The following PSEN2 variants were observed in gnomAD, a reference collection of about 807,000 sequenced individuals.
PSEN2 encodes presenilin 2, also known as presenilin-2.
PSEN2 carries 32 observed loss-of-function variants against 49.1 expected under a neutral mutation model. The ratio of observed to expected loss-of-function variants is 0.65; its 90% CI spans 0.49 to 0.88. The LOEUF is 0.88. PSEN2 is among the 40% of genes least tolerant of loss of function. PSEN2 has a pLI of 0.00. For synonymous variants in PSEN2, 255 were observed against 244.0 expected (o/e 1.05, Z -0.42); for missense variants, 522 against 586.9 (o/e 0.89, Z 1.14).
At chr1:226,888,778 C>T in intron 7 of PSEN2, 51 bp from the exon 8 acceptor site, 2 of 1,505,006 alleles carry the variant, frequency 1.3e-6, no homozygotes, top group African/African-American at 1.4e-5. Context: ...AACTGCTAGG[C>T]TGTAATGCCT....
intron 8 of PSEN2, 82 bp downstream of exon 8, chr1:226,889,131 G>A (rs1282007132): frequency 5.4e-6 from 7 of 1,289,590 alleles, no homozygotes; most frequent in Non-Finnish European, 7.7e-6. Flanking sequence ...AAGGAGGGCA[G>A]GTGCTGAAGG....
chr1:226,891,969 C>A, intron 11 of PSEN2, 125 bp downstream of exon 11: 1 of 791,972 alleles, frequency 1.3e-6, no homozygotes, highest in Non-Finnish European at 2.2e-6. Flanking sequence ...CCATCAGAGG[C>A]ATCTCTGTGA....
rs1178986694 is a variant in PSEN2, at chr1:226,885,632, G to A, written c.451G>A (p.Val151Ile). The A allele has an allele frequency of 6.2e-7, 1 of 1,612,696 alleles. No individual in the cohort carries two copies. The highest frequency in any genetic ancestry group is 1.7e-5 in the Admixed American group (1 of 60,006). Residue 151 changes from valine (V) to isoleucine (I), a missense_variant, in exon 6 of 13, where the codon GTT (valine) becomes ATT (isoleucine). Val to Ile is a conservative substitution (Grantham distance 29, BLOSUM62 3). Coordinates refer to ENST00000366783, the MANE Select transcript of PSEN2 (RefSeq NM_000447.3). ...NTLIMISVIV[V>I]MTIFLVVLYK... Reference sequence around the variant, plus strand: ...CCTCATCATGATCAGCGTCATCGTGGTTATGACCATCTTCTTGGTGGTGCT... The same window carrying A: ...CCTCATCATGATCAGCGTCATCGTGATTATGACCATCTTCTTGGTGGTGCT...
At position 226,888,059 on chromosome 1, in the gene PSEN2, C is replaced by T. The variant is rs375443581; in HGVS notation, c.499-32C>T. ...CCTTAGAATTTGTGGCGCTTGGGGA[C>T]ACCTTGTGATCGTGCAATTTCTGTT... is the stretch of plus-strand genomic sequence containing the variant. On this transcript the variant is annotated intron_variant, in intron 6 of 12. Transcript: ENST00000366783. 8.2e-6 allele frequency: 13 copies of T among 1,581,510 alleles called. No homozygotes were observed. The African/African-American group carries it at 1.6e-4, about 20-fold the overall frequency.
At chr1:226,895,285 A>C in intron 12 of PSEN2, 139 bp from the exon 13 acceptor site, 1 of 929,346 alleles carries the variant, frequency 1.1e-6, no homozygotes, top group Non-Finnish European at 1.7e-6. Context: ...TTGCAGGACC[A>C]GGGAAGATAA....
At chr1:226,891,424 G>C (rs1558151872) in intron 10 of PSEN2, 63 bp downstream of exon 10, 1 of 1,425,840 alleles carries the variant, frequency 7.0e-7, no homozygotes, top group Non-Finnish European at 9.7e-7. Flanking sequence ...CCTGCACCCA[G>C]CTCTGCTCGG....
At chr1:226,898,627 T>A (rs1662225227), downstream of PSEN2, 3 of 152,316 alleles carry the variant, frequency 2.0e-5, no homozygotes, top group Admixed American at 2.0e-4. Context: ...TATTATTAAT[T>A]TTTTTAGACA....
In PSEN2 at chr1:226,895,442, C is replaced by G. The variant is rs1250032273; in HGVS notation, c.1210C>G (p.Leu404Val). The G allele has an allele frequency of 1.9e-6, 3 of 1,614,108 alleles. No individual in the cohort carries two copies. The highest frequency in any genetic ancestry group is 2.5e-6 in the Non-Finnish European group (3 of 1,180,022). The change falls in exon 13 of 13, where the codon CTG becomes GTG. Residue 404 changes from leucine to valine, a missense_variant. By Grantham distance (32) the Leu-to-Val change is conservative (BLOSUM62 1). Coordinates refer to ENST00000366783, the MANE Select transcript of PSEN2 (RefSeq NM_000447.3). ...AILIGLCLTLLLLAVFKKALP... is the reference protein window; with the variant it reads ...AILIGLCLTLVLLAVFKKALP... ...CCTGCAGGGCTTGTGTCTGACCCTC[C>G]TGCTGCTTGCTGTGTTCAAGAAGGC...
At chr1:226,898,165 G>C (rs1662213987), downstream of PSEN2, 1 of 152,200 alleles carries the variant, frequency 6.6e-6, no homozygotes, top group African/African-American at 2.4e-5. Context: ...ACGTTAGCCA[G>C]GCTGGTCTCA....
At chr1:226,878,269 G>A (rs940027941) in intron 3 of PSEN2, among the ~76,000 whole-genome samples, 4 of 151,992 alleles carry the variant, frequency 2.6e-5, no homozygotes, top group African/African-American at 7.2e-5. Context: ...TATTAGAGAC[G>A]GGGTTTCCCC....
intron 2 of PSEN2, among the ~76,000 whole-genome samples, chr1:226,873,190 A>AG (rs1161480451): frequency 1.3e-5 from 2 of 151,122 alleles, no homozygotes; most frequent in African/African-American, 4.9e-5. Context: ...AAAAAAAAAA[A>AG]TGGTTTCACA....
intron 2 of PSEN2, among the ~76,000 whole-genome samples, chr1:226,872,626 A>C (rs1276694742): frequency 6.6e-6 from 1 of 152,222 alleles, no homozygotes; most frequent in Non-Finnish European, 1.5e-5. Context: ...AAACCAAAGC[A>C]GTGTGTGTAG....
chr1:226,881,921 T>C lies in PSEN2; in HGVS notation c.14T>C (p.Met5Thr), dbSNP rs1661019355. MLTF[M>T]ASDSEEEVCD... Reference sequence around the variant, plus strand: ...AGAGGCAGGGCTATGCTCACATTCATGGCCTCTGACAGCGAGGAAGAAGTG... The same window carrying C: ...AGAGGCAGGGCTATGCTCACATTCACGGCCTCTGACAGCGAGGAAGAAGTG... The change falls in exon 4 of 13, where the codon ATG becomes ACG. Residue 5 changes from methionine to threonine, a missense_variant. Coordinates refer to ENST00000366783, the MANE Select transcript of PSEN2 (RefSeq NM_000447.3). 2 of 1,614,120 alleles carry C rather than the reference T, an allele frequency of 1.2e-6. No homozygotes were observed. Among genetic ancestry groups the C allele is most frequent in the Admixed American group, 1.7e-5 (1 of 60,010 alleles).
rs201424233 is a variant in PSEN2, at chr1:226,895,549, C to T, written c.1317C>T (p.Asp439=). The T allele has an allele frequency of 2.5e-6, 4 of 1,613,586 alleles. No homozygotes were observed. The highest frequency in any genetic ancestry group is 2.2e-5 in the East Asian group (1 of 44,874). ...ACAACCTGGTGCGGCCGTTCATGGA[C>T]ACCCTGGCCTCCCATCAGCTCTACA... ...STDNLVRPFM[D]TLASHQLYI is the part of the protein sequence containing the mutation. Residue 439 remains aspartate (D), a synonymous_variant, in exon 13 of 13, where the codon GAC becomes GAT. Transcript: ENST00000366783.
At chr1:226,897,833 A>G (rs575232173), downstream of PSEN2, 2 of 155,362 alleles carry the variant, frequency 1.3e-5, no homozygotes, top group African/African-American at 2.4e-5. Flanking sequence ...ATCTATGGTT[A>G]GTTTTGTTTT....
At chr1:226,901,519 T>G (rs1033445520), downstream of PSEN2, among the ~76,000 whole-genome samples, 3 of 151,918 alleles carry the variant, frequency 2.0e-5, no homozygotes, top group Admixed American at 6.6e-5. Context: ...CCCAGGAGTT[T>G]AAGACCAATC....
At chr1:226,885,470 C>G in intron 5 of PSEN2, 68 bp from the exon 6 acceptor site, 2 of 1,576,598 alleles carry the variant, frequency 1.3e-6, no homozygotes, top group Non-Finnish European at 1.7e-6. Context: ...GGTCCAGAAT[C>G]ACTCAAGGTG....
At chr1:226,884,055 C>T in intron 5 of PSEN2, 136 bp downstream of exon 5, 1 of 762,622 alleles carries the variant, frequency 1.3e-6, no homozygotes, top group Non-Finnish European at 2.1e-6. Context: ...TGAAGAACCG[C>T]CCAGGTTCAT....
intron 8 of PSEN2, 71 bp downstream of exon 8, chr1:226,889,120 C>A: frequency 7.1e-7 from 1 of 1,401,394 alleles, no homozygotes; most frequent in Non-Finnish European, 9.9e-7. Flanking sequence ...CAGTGCTGCA[C>A]AAGGAGGGCA....
Sources: gnomAD v4.1 joint callset for allele counts (sites outside exome capture counted in the v4.1 genomes callset) on GRCh38, gnomAD v4.1.1 for gene constraint, MANE v1.5 for transcripts, NCBI Gene and HGNC (gene_info 2026-07-23, HGNC 2026-07-21) for gene names.